Variants in COL6A6 observed in about 807,000 individuals in gnomAD.
COL6A6 encodes collagen alpha-6(VI) chain.
COL6A6 carries 183 observed loss-of-function variants against 208.6 expected under a neutral mutation model. The observed-to-expected ratio is 0.88, with a 90% CI of 0.78 to 0.99. The LOEUF is 0.99. COL6A6 is among the 50% of genes least tolerant of loss of function. The pLI is 0.00. For missense variants in COL6A6, 2,816 were observed against 2,815.2 expected, an observed-to-expected ratio of 1.00 and a Z score of -0.01; for synonymous variants, 973 against 1,011.8, an observed-to-expected ratio of 0.96 and a Z score of 0.73.
intron 8 of COL6A6, among the ~76,000 whole-genome samples, chr3:130,577,799 G>T (rs1221587508): frequency 6.6e-6 from 1 of 152,204 alleles, no homozygotes; most frequent in Non-Finnish European, 1.5e-5. Context: ...GGAAGTATAT[G>T]GTAAGTGTTC....
chr3:130,596,325 G>A (rs1331800186), intron 18 of COL6A6, among the ~76,000 whole-genome samples: 1 of 152,094 alleles, frequency 6.6e-6, no homozygotes, highest in African/African-American at 2.4e-5. Flanking sequence ...AATTCATTTG[G>A]GGCATTGCTA....
At chr3:130,675,172 T>C (rs756033698) in intron 36 of COL6A6, 30 bp from the exon 37 acceptor site, 1 of 1,384,434 alleles carries the variant, frequency 7.2e-7, no homozygotes, top group African/African-American at 1.4e-5. Context: ...ATGGCATTTA[T>C]CTTCTATGAT....
At chr3:130,548,409 A>G (rs112386049) in intron 1 of COL6A6, among the ~76,000 whole-genome samples, 1,870 of 152,248 alleles carry the variant, frequency 0.012, 32 homozygotes, top group African/African-American at 0.043. Flanking sequence ...GTGAGACTGG[A>G]TGGCTAGAGT....
intron 10 of COL6A6, among the ~76,000 whole-genome samples, chr3:130,586,080 A>G (rs1239519271): frequency 6.6e-6 from 1 of 152,176 alleles, no homozygotes; most frequent in Non-Finnish European, 1.5e-5. Context: ...TCAGCCTCCC[A>G]TGTAGCTGGG....
chr3:130,607,328 A>G (rs1050235759), intron 21 of COL6A6, among the ~76,000 whole-genome samples: 3 of 152,228 alleles, frequency 2.0e-5, no homozygotes, highest in African/African-American at 7.2e-5. Flanking sequence ...CCAAAAGAAT[A>G]CAATAAAACT....
In COL6A6 at chr3:130,635,463, T is replaced by C. The variant is rs111391927; in HGVS notation, c.5029-236T>C. ...GGATAAAATAAAGAACAAAGTTCAT[T>C]TCTCCAAAGAGCCAGTGTTCTCACT... On this transcript the variant is annotated intron_variant, in intron 27 of 36. Transcript: ENST00000358511. 4.6e-3 allele frequency among the ~76,000 whole-genome samples: 707 copies of C among 152,254 alleles called. 1 individual carries two copies. Among genetic ancestry groups the C allele is most frequent in the South Asian group, 0.014 (66 of 4,818 alleles).
At chr3:130,576,680 A>C (rs1342517031) in intron 8 of COL6A6, among the ~76,000 whole-genome samples, 1 of 152,178 alleles carries the variant, frequency 6.6e-6, no homozygotes, top group Non-Finnish European at 1.5e-5. Context: ...AAAAATAAGA[A>C]AAATACTCTA....
At chr3:130,577,856 A>C (rs2063332515) in intron 8 of COL6A6, among the ~76,000 whole-genome samples, 1 of 152,204 alleles carries the variant, frequency 6.6e-6, no homozygotes, top group African/African-American at 2.4e-5. Flanking sequence ...AGTACCATGA[A>C]GGGATGTCTT....
At chr3:130,613,086 C>T (rs1325201319) in intron 23 of COL6A6, among the ~76,000 whole-genome samples, 1 of 152,150 alleles carries the variant, frequency 6.6e-6, no homozygotes, top group Non-Finnish European at 1.5e-5. Flanking sequence ...GAAATCCTTG[C>T]CAAGTCCTAT....
intron 8 of COL6A6, among the ~76,000 whole-genome samples, chr3:130,575,977 G>A (rs933237544): frequency 6.6e-6 from 1 of 152,034 alleles, no homozygotes; most frequent in Non-Finnish European, 1.5e-5. Context: ...ATCTGCTGAT[G>A]CCTCCAGCTT....
chr3:130,633,958 C>G lies in COL6A6; in HGVS notation c.4993-632C>G, dbSNP rs1287508949. 1.6e-3 allele frequency among the ~76,000 whole-genome samples: 65 copies of G among 39,476 alleles called. 1 individual carries two copies. Among genetic ancestry groups the G allele is most frequent in the Non-Finnish European group, 1.8e-3 (53 of 28,764 alleles). The allele number at this position is 39,476 out of a possible 152,430, so 25.9% of individuals were successfully genotyped here. ...GGGAGATATACCTAATGCTAGATGA[C>G]ACATTAGTGGGTGCAGCGCACCAGC... On this transcript the variant is annotated intron_variant, in intron 26 of 36. Coordinates refer to ENST00000358511, the MANE Select transcript of COL6A6 (RefSeq NM_001102608.3).
intron 36 of COL6A6, among the ~76,000 whole-genome samples, chr3:130,667,922 A>G (rs559442129): frequency 1.3e-5 from 2 of 152,068 alleles, no homozygotes; most frequent in East Asian, 3.9e-4. Flanking sequence ...AAGGGCACAC[A>G]TGAAAAAGAA....
intron 27 of COL6A6, among the ~76,000 whole-genome samples, chr3:130,634,955 C>T (rs1359480200): frequency 6.6e-6 from 1 of 152,152 alleles, no homozygotes; most frequent in Non-Finnish European, 1.5e-5. Context: ...TAATGTAAGG[C>T]CAGGCGTGGT....
chr3:130,526,607 T>G (rs2061967226), intron 1 of COL6A6, among the ~76,000 whole-genome samples: 1 of 152,204 alleles, frequency 6.6e-6, no homozygotes, highest in African/African-American at 2.4e-5. Context: ...GAAGTGATGG[T>G]GGCAGTGATG....
intron 21 of COL6A6, among the ~76,000 whole-genome samples, chr3:130,607,909 A>T (rs1029977200): frequency 6.6e-6 from 1 of 152,204 alleles, no homozygotes; most frequent in Non-Finnish European, 1.5e-5. Flanking sequence ...TTTATTTCTT[A>T]TAGTTCTAGA....
chr3:130,625,901 C>T lies in COL6A6; in HGVS notation c.4879-584C>T, dbSNP rs138095485. Among the ~76,000 whole-genome samples, 564 of 152,304 alleles carry T rather than the reference C, an allele frequency of 3.7e-3. 5 individuals carry two copies. Among genetic ancestry groups the T allele is most frequent in the African/African-American group, 0.013 (539 of 41,566 alleles). On this transcript the variant is annotated intron_variant, in intron 24 of 36. Transcript: ENST00000358511. Reference sequence around the variant, plus strand: ...GGAACTTTCCATATTATGTTCACAACATTTCTGTAAATTTAAAACTATTCC... The same window carrying T: ...GGAACTTTCCATATTATGTTCACAATATTTCTGTAAATTTAAAACTATTCC...
Position 130,567,147 on chromosome 3 carries a change from C to T in COL6A6, c.1728C>T (p.Asn576=), listed in dbSNP as rs2063047211. 6 of 1,613,732 alleles carry T rather than the reference C, an allele frequency of 3.7e-6. No homozygotes were observed. The highest frequency in any genetic ancestry group is 4.2e-6 in the Non-Finnish European group (5 of 1,179,882). ...ATGCTATCGGGATCAAGGAGGCCAACCAAACACAGCTGAGAGAAATTGCAG... is the reference window on the plus strand; with the variant it reads ...ATGCTATCGGGATCAAGGAGGCCAATCAAACACAGCTGAGAGAAATTGCAG... ...RVYAIGIKEA[N]QTQLREIAGE... Residue 576 remains asparagine (N), a synonymous_variant, in exon 5 of 37, where the codon AAC becomes AAT. Transcript: ENST00000358511.
intron 2 of COL6A6, among the ~76,000 whole-genome samples, 172 bp downstream of exon 2, chr3:130,560,600 A>G (rs2062860954): frequency 6.6e-6 from 1 of 152,192 alleles, no homozygotes; most frequent in African/African-American, 2.4e-5. Context: ...ATTCCTTTGA[A>G]GATCATTTGT....
intron 12 of COL6A6, among the ~76,000 whole-genome samples, chr3:130,590,286 TATATA>T (rs2063656520): frequency 1.2e-4 from 3 of 24,434 alleles, no homozygotes; most frequent in Non-Finnish European, 2.6e-4. Flanking sequence ...TATATATATA[TATATA>T]TATATATATT....
Sources: gnomAD v4.1 joint callset for allele counts (sites outside exome capture counted in the v4.1 genomes callset) on GRCh38, gnomAD v4.1.1 for gene constraint, MANE v1.5 for transcripts, NCBI Gene and HGNC (gene_info 2026-07-23, HGNC 2026-07-21) for gene names.